ANKS6: variants seen among roughly 807,000 people sequenced by gnomAD.
ANKS6 encodes the protein ankyrin repeat and SAM domain-containing protein 6.
ANKS6 carries 47 observed loss-of-function variants against 77.9 expected under a neutral mutation model. That is an observed-to-expected ratio of 0.60 (90% CI 0.48 to 0.77). ANKS6 has a LOEUF of 0.77. Among genes scored for constraint, ANKS6 ranks in the 30% least tolerant of loss-of-function variants. The pLI is 0.00. For synonymous variants in ANKS6, 488 were observed against 501.7 expected (o/e 0.97, Z 0.37); for missense variants, 1,150 against 1,159.1 (o/e 0.99, Z 0.11).
intron 5 of ANKS6, 50 bp downstream of exon 5, chr9:98,782,417 G>A (rs775996552): frequency 6.5e-7 from 1 of 1,532,488 alleles, no homozygotes; most frequent in Non-Finnish European, 9.0e-7. Flanking sequence ...TTGACTCCCA[G>A]TCCAAGAAAC....
At position 98,770,930 on chromosome 9, in the gene ANKS6, C is replaced by G. The variant is rs372587038; in HGVS notation, c.1938G>C (p.Val646=). 7.0e-6 allele frequency: 11 copies of G among 1,575,566 alleles called. No homozygotes were observed. In the African/African-American group the frequency reaches 1.5e-4, roughly 21 times the overall value. Residue 646 remains valine, a synonymous_variant, in exon 10 of 15, where the codon GTG becomes GTC. Coordinates refer to ENST00000353234, the MANE Select transcript of ANKS6 (RefSeq NM_173551.5). The part of the protein sequence containing the change: ...HSSGGSSGVG[V]SRHGGELLNR... ...TAAGCAGCTCCCCACCGTGCCGGCT[C>G]ACACCTACCCCACTGGAGCCGCCCG... is the stretch of plus-strand genomic sequence containing the variant.
chr9:98,743,949 C>A (rs1161992260), intron 14 of ANKS6, among the ~76,000 whole-genome samples: 3 of 152,182 alleles, frequency 2.0e-5, no homozygotes, highest in Admixed American at 1.3e-4. Flanking sequence ...CCCTTCCTGA[C>A]AGCCGAGATC....
At chr9:98,741,618 AAC>A (rs1305147721) in intron 14 of ANKS6, among the ~76,000 whole-genome samples, 1 of 152,234 alleles carries the variant, frequency 6.6e-6, no homozygotes, top group Non-Finnish European at 1.5e-5. Flanking sequence ...AACAAAAAGA[AAC>A]AATGACTTAG....
intron 1 of ANKS6, among the ~76,000 whole-genome samples, chr9:98,794,354 G>A (rs1019282494): frequency 1.3e-5 from 2 of 152,116 alleles, no homozygotes; most frequent in Non-Finnish European, 2.9e-5. Context: ...GGCGTATCCA[G>A]ATCCAAGGAA....
intron 13 of ANKS6, among the ~76,000 whole-genome samples, chr9:98,750,225 G>A (rs574199425): frequency 6.6e-6 from 1 of 152,216 alleles, no homozygotes; most frequent in Admixed American, 6.5e-5. Context: ...TCTACTTTTT[G>A]TGTCTACAGA....
At position 98,734,280 on chromosome 9, in the gene ANKS6, C is replaced by T. The variant is rs142628529; in HGVS notation, c.*2239G>A. 1,432 of 985,466 alleles carry T rather than the reference C, an allele frequency of 1.5e-3. 12 individuals are homozygous for T. In the African/African-American group the frequency reaches 0.023, roughly 16 times the overall value. 61.0% of individuals were successfully genotyped at this position (985,466 alleles called of 1,614,324 possible). On this transcript the variant is annotated 3_prime_UTR_variant, in exon 15 of 15. Transcript: ENST00000353234. ...CCTGTCTGCAAAATGGGAATAGCCC[C>T]GCTCTGTCCAGGGTCATCCAATGAG...
At chr9:98,748,068 A>AC (rs1832238546) in intron 13 of ANKS6, among the ~76,000 whole-genome samples, 1 of 151,680 alleles carries the variant, frequency 6.6e-6, no homozygotes, top group African/African-American at 2.4e-5. Flanking sequence ...CATTTCATAG[A>AC]CCCCCTTCTC....
intron 9 of ANKS6, among the ~76,000 whole-genome samples, chr9:98,773,612 G>A (rs1305550296): frequency 1.3e-5 from 2 of 152,186 alleles, no homozygotes; most frequent in African/African-American, 4.8e-5. Flanking sequence ...TGGATTAGAT[G>A]GATCAGGTCT....
chr9:98,769,913 T>C (rs538334512), intron 10 of ANKS6, among the ~76,000 whole-genome samples: 2 of 152,356 alleles, frequency 1.3e-5, no homozygotes, highest in South Asian at 2.1e-4. Flanking sequence ...AAAAACACTT[T>C]CCAAATATAT....
In ANKS6 at chr9:98,736,610, T is replaced by C; in HGVS notation, c.2525A>G (p.Gln842Arg). Residue 842 changes from glutamine (Q) to arginine (R), a missense_variant, in exon 15 of 15, where the codon CAA (glutamine) becomes CGA (arginine). Physicochemically the swap from Gln to Arg is conservative, Grantham distance 43. Coordinates refer to ENST00000353234, the MANE Select transcript of ANKS6 (RefSeq NM_173551.5). ...ELNAGKGRER[Q>R]ILQETIHNFH... ...GTTGTGAATGGTTTCCTGTAAAATT[T>C]GTCTCTCGCGTCCCTGTGGAGGAAA... 6.2e-7 allele frequency: 1 copy of C among 1,611,080 alleles called. No homozygotes were observed. The highest frequency in any genetic ancestry group is 8.5e-7 in the Non-Finnish European group (1 of 1,178,530).
intron 7 of ANKS6, among the ~76,000 whole-genome samples, chr9:98,777,665 C>T (rs908831072): frequency 6.6e-6 from 1 of 152,230 alleles, no homozygotes; most frequent in Admixed American, 6.5e-5. Flanking sequence ...CACTGCCGTA[C>T]TGAGTCAGAC....
Position 98,770,825 on chromosome 9 carries a change from T to G in ANKS6, c.1972+71A>C, listed in dbSNP as rs1000646546. 6 of 1,279,882 alleles carry G rather than the reference T, an allele frequency of 4.7e-6. No homozygotes were observed. In the African/African-American group the frequency reaches 9.2e-5, roughly 20 times the overall value. The allele number at this position is 1,279,882 out of a possible 1,614,324, so 79.3% of individuals were successfully genotyped here. A position where few individuals can be genotyped will look rare whatever the true frequency, so the allele number is the denominator to read the frequency against. ...TCTGCGACTGTCTGCAACCTGAATA[T>G]CCAGGCAGTGCACACCCTCAGTCCC... On this transcript the variant is annotated intron_variant, in intron 10 of 14. Transcript: ENST00000353234.
At chr9:98,794,110 A>G (rs1236015240) in intron 1 of ANKS6, among the ~76,000 whole-genome samples, 1 of 142,344 alleles carries the variant, frequency 7.0e-6, no homozygotes, top group Admixed American at 7.4e-5. Context: ...AGATCACGCC[A>G]CTGCACTCCA....
chr9:98,747,610 G>A (rs981194093), intron 13 of ANKS6, among the ~76,000 whole-genome samples: 3 of 152,038 alleles, frequency 2.0e-5, no homozygotes, highest in South Asian at 2.1e-4. Context: ...TGCTGGACAC[G>A]AGTCTTTCCC....
intron 10 of ANKS6, among the ~76,000 whole-genome samples, chr9:98,768,503 C>T (rs1344903027): frequency 6.6e-6 from 1 of 152,166 alleles, no homozygotes; most frequent in Non-Finnish European, 1.5e-5. Flanking sequence ...AAACCCAGTC[C>T]ATCCTCGCTT....
chr9:98,745,776 T>C, intron 13 of ANKS6, 101 bp from the exon 14 acceptor site: 1 of 838,734 alleles, frequency 1.2e-6, no homozygotes, highest in Non-Finnish European at 2.0e-6. Flanking sequence ...TGCTTATTAG[T>C]AGTAAACTGA....
intron 5 of ANKS6, among the ~76,000 whole-genome samples, chr9:98,780,903 CTT>C (rs201837649): frequency 2.1e-4 from 30 of 141,554 alleles, no homozygotes; most frequent in African/African-American, 2.3e-4. Context: ...ATGACTATTT[CTT>C]TTTTTTTTTT....
rs1391480976 is a variant in ANKS6 at position 98,796,478 on chromosome 9, C to T, written c.14G>A (p.Gly5Glu). The part of the protein sequence containing the change: MGEG[G>E]LPPAFQLLLR... ...CAGCAGCTGGAAGGCCGGGGGCAGC[C>T]CGCCCTCGCCCATCGCCGCCGCCAC... Residue 5 changes from glycine to glutamate, a missense_variant, in exon 1 of 15, where the codon GGG becomes GAG. Coordinates refer to ENST00000353234, the MANE Select transcript of ANKS6 (RefSeq NM_173551.5). 3 of 990,168 alleles carry T rather than the reference C, an allele frequency of 3.0e-6. No individual in the cohort carries two copies. The highest frequency in any genetic ancestry group is 1.1e-4 in the East Asian group (1 of 9,126). The allele number at this position is 990,168 out of a possible 1,614,324, so 61.3% of individuals were successfully genotyped here.
At position 98,736,006 on chromosome 9, in the gene ANKS6, C is replaced by G; in HGVS notation, c.*513G>C. 9.9e-6 allele frequency: 12 copies of G among 1,216,260 alleles called. No individual in the cohort carries two copies. The highest frequency in any genetic ancestry group is 1.2e-5 in the Non-Finnish European group (12 of 978,468). The allele number at this position is 1,216,260 out of a possible 1,614,324, so 75.3% of individuals were successfully genotyped here. A position where few individuals can be genotyped will look rare whatever the true frequency, so the allele number is the denominator to read the frequency against. Reference sequence around the variant, plus strand: ...ACCTCTCACCATAATACATACCCCCCATCTAAGTCAAAAGTTGTTGCTGGG... The same window carrying G: ...ACCTCTCACCATAATACATACCCCCGATCTAAGTCAAAAGTTGTTGCTGGG... On this transcript the variant is annotated 3_prime_UTR_variant, in exon 15 of 15. Transcript: ENST00000353234.
Sources: allele counts gnomAD v4.1 joint callset (sites outside exome capture counted in the v4.1 genomes callset), GRCh38; gene constraint gnomAD v4.1.1; transcripts MANE v1.5; gene names NCBI Gene and HGNC (gene_info 2026-07-23, HGNC 2026-07-21).